The following MAP9 variants were observed in gnomAD, a reference collection of about 807,000 sequenced individuals.
The protein encoded by MAP9 is microtubule-associated protein 9.
Under a neutral mutation model 75.2 loss-of-function variants are expected in MAP9, and 80 were observed. The ratio of observed to expected loss-of-function variants is 1.06; its 90% confidence interval spans 0.89 to 1.28. MAP9 has a LOEUF of 1.28. Among genes scored for constraint, MAP9 ranks in the 50% most tolerant of loss-of-function variants. The pLI, the probability that MAP9 is intolerant of heterozygous loss-of-function variation, is 0.00. For synonymous variants in MAP9, 235 were observed against 237.3 expected (o/e 0.99, Z 0.09); for missense variants, 753 against 719.9 (o/e 1.05, Z -0.53).
chr4:155,361,994 G>T, intron 6 of MAP9, 54 bp downstream of exon 6: 1 of 971,960 alleles, frequency 1.0e-6, no homozygotes, highest in Non-Finnish European at 1.6e-6. Flanking sequence ...TTACAAACAG[G>T]AGTCTAAGTA....
intron 13 of MAP9, among the ~76,000 whole-genome samples, chr4:155,348,112 G>A (rs1354021500): frequency 6.6e-6 from 1 of 152,110 alleles, no homozygotes; most frequent in Non-Finnish European, 1.5e-5. Flanking sequence ...AAGGTGGGTG[G>A]ATTGTTTGAG....
chr4:155,369,619 C>T (rs1282227109), intron 4 of MAP9, among the ~76,000 whole-genome samples: 1 of 152,080 alleles, frequency 6.6e-6, no homozygotes, highest in African/African-American at 2.4e-5. Flanking sequence ...AGGTACTTTA[C>T]AGGTTGATTT....
At chr4:155,350,311 T>C (rs534758261) in intron 13 of MAP9, 12 of 425,406 alleles carry the variant, frequency 2.8e-5, no homozygotes, top group Admixed American at 2.3e-4. Flanking sequence ...TATGTGTTTA[T>C]AGGTGTACTA....
Position 155,355,070 on chromosome 4 carries a change from C to A in MAP9, c.1380+1G>T, listed in dbSNP as rs748343302. On this transcript the variant is annotated splice_donor_variant, in intron 10 of 13. Coordinates refer to ENST00000311277, the MANE Select transcript of MAP9 (RefSeq NM_001039580.2). LOFTEE classifies it high-confidence loss of function. Reference sequence around the variant, plus strand: ...ATTTTTACTTCTATATGTCAGAATACCTGTTCATTTTGGATCCTTAAGTTT... The same window carrying A: ...ATTTTTACTTCTATATGTCAGAATAACTGTTCATTTTGGATCCTTAAGTTT... 7.7e-7 allele frequency: 1 copy of A among 1,294,464 alleles called. No individual in the cohort carries two copies. The highest frequency in any genetic ancestry group is 1.4e-5 in the South Asian group (1 of 70,834). 80.2% of individuals were successfully genotyped at this position (1,294,464 alleles called of 1,614,324 possible).
intron 13 of MAP9, chr4:155,350,281 C>T (rs537554294): frequency 1.1e-4 from 50 of 450,510 alleles, no homozygotes; most frequent in South Asian, 5.5e-4. Context: ...GAAGGAGAAC[C>T]GATCTGTAAC....
At chr4:155,373,505 T>C in intron 3 of MAP9, 49 bp from the exon 4 acceptor site, 1 of 1,282,748 alleles carries the variant, frequency 7.8e-7, no homozygotes, top group Non-Finnish European at 1.0e-6. Flanking sequence ...TTAAAAATTG[T>C]CAAGGTTACG....
In MAP9 at chr4:155,343,482, C is replaced by T. The variant is rs984183701; in HGVS notation, c.*4301G>A. On this transcript the variant is annotated 3_prime_UTR_variant, in exon 14 of 14. Transcript: ENST00000311277. ...TTTAATAATTATATAATTATATTAT[C>T]TCTCTCTGTAATTTGTGTAGTAAAA... 1 of 151,338 alleles carries T rather than the reference C, an allele frequency of 6.6e-6. No homozygotes were observed. The highest frequency in any genetic ancestry group is 1.5e-5 in the Non-Finnish European group (1 of 67,676). The allele number at this position is 151,338 out of a possible 1,614,324, so 9.4% of individuals were successfully genotyped here.
chr4:155,360,170 T>C lies in MAP9; in HGVS notation c.1048A>G (p.Lys350Glu), dbSNP rs768455634. ...LISTSATASS[K>E]KTIEDRNIKN... Reference sequence around the variant, plus strand: ...AAAGTATGAATTTTTACAAATACCTTTGAAGATGCTGTTGCACTGGTAGAT... The same window carrying C: ...AAAGTATGAATTTTTACAAATACCTCTGAAGATGCTGTTGCACTGGTAGAT... The change falls in exon 7 of 14, where the codon AAG (lysine) becomes GAG (glutamate). Residue 350 changes from lysine to glutamate, a missense_variant and splice_region_variant. Transcript: ENST00000311277. 1.8e-5 allele frequency: 29 copies of C among 1,608,582 alleles called. No homozygotes were observed. Among genetic ancestry groups the C allele is most frequent in the South Asian group, 5.5e-5 (5 of 90,744 alleles).
intron 13 of MAP9, among the ~76,000 whole-genome samples, chr4:155,348,887 T>C (rs1014867184): frequency 6.6e-6 from 1 of 152,182 alleles, no homozygotes. Flanking sequence ...CATAAATATG[T>C]GCACTTTTTA....
At chr4:155,348,844 A>G (rs139200511) in intron 13 of MAP9, among the ~76,000 whole-genome samples, 3 of 152,300 alleles carry the variant, frequency 2.0e-5, no homozygotes, top group African/African-American at 7.2e-5. Flanking sequence ...TACACAATGT[A>G]TACAATGTAG....
intron 4 of MAP9, among the ~76,000 whole-genome samples, chr4:155,369,520 TGAG>T (rs1447360349): frequency 6.6e-6 from 1 of 152,056 alleles, no homozygotes; most frequent in East Asian, 1.9e-4. Context: ...CACTATAAAA[TGAG>T]GAGGCTCATC....
chr4:155,365,895 A>C (rs1339480608), intron 5 of MAP9, among the ~76,000 whole-genome samples: 2 of 152,126 alleles, frequency 1.3e-5, no homozygotes, highest in South Asian at 4.1e-4. Flanking sequence ...GGAAGTTAAA[A>C]TATATATTTA....
At chr4:155,375,745 T>C (rs747212056) in intron 2 of MAP9, 31 bp downstream of exon 2, 67 of 1,429,572 alleles carry the variant, frequency 4.7e-5, no homozygotes, top group Non-Finnish European at 5.8e-5. Context: ...GTGTTTACAC[T>C]GTGAAATGAT....
At chr4:155,350,833 A>G (rs1449628756) in intron 13 of MAP9, among the ~76,000 whole-genome samples, 1 of 151,934 alleles carries the variant, frequency 6.6e-6, no homozygotes, top group East Asian at 1.9e-4. Context: ...TATAAGGTTA[A>G]GTGTGTTTCT....
chr4:155,366,854 CT>C (rs1732354282), intron 5 of MAP9, among the ~76,000 whole-genome samples: 1 of 152,156 alleles, frequency 6.6e-6, no homozygotes, highest in Non-Finnish European at 1.5e-5. Context: ...GATAATTGTA[CT>C]GGTGAATCCT....
At chr4:155,352,574 T>G (rs775340324) in intron 13 of MAP9, 22 bp downstream of exon 13, 27 of 1,567,886 alleles carry the variant, frequency 1.7e-5, no homozygotes, top group Non-Finnish European at 2.2e-5. Flanking sequence ...AAGACGAAAG[T>G]GCATTGACAA....
Position 155,345,459 on chromosome 4 carries a change from G to T in MAP9, c.*2324C>A, listed in dbSNP as rs1184061204. The T allele has an allele frequency of 1.1e-5, 1 of 92,186 alleles. No homozygotes were observed. Among genetic ancestry groups the T allele is most frequent in the South Asian group, 3.0e-4 (1 of 3,342 alleles). 5.7% of individuals were successfully genotyped at this position (92,186 alleles called of 1,614,324 possible). A position where few individuals can be genotyped will look rare whatever the true frequency, so the allele number is the denominator to read the frequency against. ...CTGTTTTTTTGTTTTGTTTTGTTTT[G>T]TTTTGTTTTTTTGAGTGTTACAGCC... is the stretch of plus-strand genomic sequence containing the variant. On this transcript the variant is annotated 3_prime_UTR_variant, in exon 14 of 14. Coordinates refer to ENST00000311277, the MANE Select transcript of MAP9 (RefSeq NM_001039580.2).
intron 4 of MAP9, among the ~76,000 whole-genome samples, chr4:155,371,291 A>G (rs1025562577): frequency 3.3e-5 from 5 of 152,052 alleles, no homozygotes; most frequent in Non-Finnish European, 7.4e-5. Context: ...GTACAGAAAA[A>G]AAAAAAGTCA....
In MAP9 at chr4:155,345,382, T is replaced by C. The variant is rs183407647; in HGVS notation, c.*2401A>G. The C allele has an allele frequency of 2.0e-5, 3 of 152,184 alleles. No homozygotes were observed. The highest frequency in any genetic ancestry group is 7.2e-5 in the African/African-American group (3 of 41,570). The allele number at this position is 152,184 out of a possible 1,614,324, so 9.4% of individuals were successfully genotyped here. A position where few individuals can be genotyped will look rare whatever the true frequency, so the allele number is the denominator to read the frequency against. On this transcript the variant is annotated 3_prime_UTR_variant, in exon 14 of 14. Coordinates refer to ENST00000311277, the MANE Select transcript of MAP9 (RefSeq NM_001039580.2). ...CTACCTCAGAAGCAATCCTAAGAAA[T>C]TAATACTTACTTAGCTTTCTTTTTA...
Sources: allele counts gnomAD v4.1 joint callset (sites outside exome capture counted in the v4.1 genomes callset), GRCh38; gene constraint gnomAD v4.1.1; transcripts MANE v1.5; gene names NCBI Gene and HGNC (gene_info 2026-07-23, HGNC 2026-07-21).